TRMT10B: variants seen among roughly 807,000 people sequenced by gnomAD.
TRMT10B encodes tRNA methyltransferase 10B.
A neutral mutation model predicts 43.8 loss-of-function variants in TRMT10B; 33 were observed. That is an observed-to-expected ratio of 0.75 (90% CI 0.57 to 1.01). The LOEUF is 1.01. Ranked by LOEUF, TRMT10B falls within the 50% of genes least tolerant of loss-of-function variation. TRMT10B has a pLI of 0.00. For synonymous variants in TRMT10B, 137 were observed against 130.6 expected (o/e 1.05, Z -0.34); for missense variants, 362 against 369.8 (o/e 0.98, Z 0.17).
intron 1 of TRMT10B, among the ~76,000 whole-genome samples, chr9:37,757,129 G>GT (rs752019946): frequency 2.3e-4 from 35 of 152,096 alleles, no homozygotes; most frequent in Admixed American, 7.9e-4. Context: ...TGTCACCCAG[G>GT]TTGAAGTGCA....
At chr9:37,757,182 C>G (rs376273898) in intron 1 of TRMT10B, among the ~76,000 whole-genome samples, 1 of 152,152 alleles carries the variant, frequency 6.6e-6, no homozygotes, top group Non-Finnish European at 1.5e-5. Flanking sequence ...CTCCTGGGTT[C>G]AAGCGATCTT....
intron 3 of TRMT10B, 61 bp from the exon 4 acceptor site, chr9:37,763,568 T>G: frequency 6.8e-7 from 1 of 1,480,540 alleles, no homozygotes; most frequent in Non-Finnish European, 9.3e-7. Flanking sequence ...CTAAGATTTG[T>G]TTCTTATATA....
Position 37,770,685 on chromosome 9 carries a change from T to C in TRMT10B, c.666T>C (p.Val222=). The change falls in exon 7 of 9, where the codon GTT becomes GTC. Residue 222 remains valine (V), a synonymous_variant. Transcript: ENST00000297994. ...TPDSEHALED[V]DLNKVYILGG... is the part of the protein sequence containing the mutation. ...TTTTTTCATTAGCTCTTGAAGATGT[T>C]GATCTAAACAAAGTTTACATCCTCG... 1.2e-6 allele frequency: 2 copies of C among 1,613,968 alleles called. No individual in the cohort carries two copies. Among genetic ancestry groups the C allele is most frequent in the Non-Finnish European group, 1.7e-6 (2 of 1,180,004 alleles).
rs755580875 is a variant in TRMT10B at position 37,777,712 on chromosome 9, C to G, written c.*5C>G. On this transcript the variant is annotated 3_prime_UTR_variant, in exon 9 of 9. Transcript: ENST00000297994. ...CTTCGGAACTCAGTGGAATGATGGG[C>G]CTAAGATTGCAGCTGCGTGGCCAGG... The G allele has an allele frequency of 1.2e-6, 2 of 1,611,788 alleles. No individual in the cohort carries two copies. Among genetic ancestry groups the G allele is most frequent in the South Asian group, 1.1e-5 (1 of 91,028 alleles).
rs1331802463 is a variant in TRMT10B, at chr9:37,762,195, TG to T, written c.186+80del. 7 of 1,419,334 alleles carry T rather than the reference TG, an allele frequency of 4.9e-6. No homozygotes were observed. In the Admixed American group the frequency reaches 1.2e-4, roughly 24 times the overall value. The allele number at this position is 1,419,334 out of a possible 1,614,324, so 87.9% of individuals were successfully genotyped here. ...ACACCCCTGTTTTAAAGATGGATACTGGTAGTGAAAAGAGAGACGGAATGAG... is the reference window on the plus strand; with the variant it reads ...ACACCCCTGTTTTAAAGATGGATACTGTAGTGAAAAGAGAGACGGAATGAG... On this transcript the variant is annotated intron_variant, in intron 2 of 8. Coordinates refer to ENST00000297994, the MANE Select transcript of TRMT10B (RefSeq NM_144964.4).
intron 3 of TRMT10B, 147 bp downstream of exon 3, chr9:37,762,832 C>T: frequency 9.8e-7 from 1 of 1,020,620 alleles, no homozygotes. Context: ...ATCAAAACAT[C>T]AAAGAAAGCA....
chr9:37,763,643 C>T lies in TRMT10B; in HGVS notation c.310C>T (p.His104Tyr), dbSNP rs369987921. Residue 104 changes from histidine to tyrosine, a missense_variant, in exon 4 of 9, where the codon CAC (histidine) becomes TAC (tyrosine). Transcript: ENST00000297994. ...RAENPGICPQ[H>Y]SKRFLRALTK... ...TTCTGCTTTAGGCATTTGCCCCCAG[C>T]ACAGCAAACGTTTCCTGAGAGCTCT... 5 of 1,613,976 alleles carry T rather than the reference C, an allele frequency of 3.1e-6. No individual in the cohort carries two copies. The highest frequency in any genetic ancestry group is 1.3e-5 in the African/African-American group (1 of 74,932).
Position 37,778,956 on chromosome 9 carries a change from A to G in TRMT10B, c.*1249A>G, listed in dbSNP as rs142561944. 158 of 147,956 alleles carry G rather than the reference A, an allele frequency of 1.1e-3. No individual in the cohort carries two copies. The highest frequency in any genetic ancestry group is 3.8e-3 in the African/African-American group (150 of 39,448). 9.2% of individuals were successfully genotyped at this position (147,956 alleles called of 1,614,324 possible). On this transcript the variant is annotated 3_prime_UTR_variant, in exon 9 of 9. Transcript: ENST00000297994. Reference sequence around the variant, plus strand: ...TTCATATGTATTTGTAACAGATTAAATTGGAAAGCAAACACAGTATTGATT... The same window carrying G: ...TTCATATGTATTTGTAACAGATTAAGTTGGAAAGCAAACACAGTATTGATT...
intron 4 of TRMT10B, among the ~76,000 whole-genome samples, chr9:37,764,710 T>C (rs1366921373): frequency 1.3e-5 from 2 of 152,068 alleles, no homozygotes; most frequent in Non-Finnish European, 2.9e-5. Context: ...AGGCGTGAGC[T>C]ACTGTGCCTG....
intron 6 of TRMT10B, 127 bp from the exon 7 acceptor site, chr9:37,770,545 G>T (rs1156422030): frequency 3.4e-6 from 3 of 879,852 alleles, no homozygotes; most frequent in Admixed American, 3.1e-5. Context: ...TGGTTTTATT[G>T]AGCAAGTTTC....
intron 4 of TRMT10B, 193 bp downstream of exon 4, chr9:37,763,946 T>G: frequency 9.1e-7 from 1 of 1,101,686 alleles, no homozygotes; most frequent in Non-Finnish European, 1.2e-6. Flanking sequence ...ATATATATAG[T>G]TTGGTTTAGT....
intron 4 of TRMT10B, 32 bp from the exon 5 acceptor site, chr9:37,768,044 T>G (rs1436319993): frequency 6.2e-7 from 1 of 1,609,902 alleles, no homozygotes; most frequent in East Asian, 2.2e-5. Context: ...GTTGGCATGT[T>G]TTTGCCCTGA....
rs767663412 is a variant in TRMT10B, at chr9:37,776,375, T to C, written c.814T>C (p.Tyr272His). Residue 272 changes from tyrosine to histidine, a missense_variant, in exon 8 of 9, where the codon TAT (tyrosine) becomes CAT (histidine). Tyr to His is a moderately conservative substitution (Grantham distance 83). Coordinates refer to ENST00000297994, the MANE Select transcript of TRMT10B (RefSeq NM_144964.4). ...YMVRNQNGKN[Y>H]HSEILAINQV... The stretch of plus-strand genomic sequence containing the variant: ...GGTCAGAAACCAGAATGGGAAAAAC[T>C]ATCATTCAGAGATACTGGCCATCAA... 2.4e-5 allele frequency: 39 copies of C among 1,612,116 alleles called. No individual in the cohort carries two copies. The highest frequency in any genetic ancestry group is 1.6e-4 in the Middle Eastern group (1 of 6,080).
intron 1 of TRMT10B, among the ~76,000 whole-genome samples, chr9:37,757,023 T>C (rs571178833): frequency 6.6e-6 from 1 of 152,180 alleles, no homozygotes; most frequent in Non-Finnish European, 1.5e-5. Flanking sequence ...TTTTTTTAAT[T>C]TGTGATCAAC....
At chr9:37,774,364 T>C (rs968421814) in intron 7 of TRMT10B, among the ~76,000 whole-genome samples, 5 of 152,200 alleles carry the variant, frequency 3.3e-5, no homozygotes, top group Admixed American at 6.5e-5. Context: ...GACTTACAGA[T>C]GTGCAGTTTT....
At chr9:37,769,872 G>A (rs895592177) in intron 5 of TRMT10B, 69 bp from the exon 6 acceptor site, 3 of 1,250,868 alleles carry the variant, frequency 2.4e-6, no homozygotes, top group African/African-American at 3.0e-5. Context: ...CAAAGTTCTG[G>A]GATTACAGAC....
intron 4 of TRMT10B, 61 bp from the exon 5 acceptor site, chr9:37,768,015 G>T: frequency 6.3e-7 from 1 of 1,591,036 alleles, no homozygotes; most frequent in Non-Finnish European, 8.6e-7. Flanking sequence ...GCCATTTCTT[G>T]ATAGCTAATT....
rs1176612155 is a variant in TRMT10B, at chr9:37,763,940, A to G, written c.420+187A>G. 8.8e-6 allele frequency: 11 copies of G among 1,245,504 alleles called. No individual in the cohort carries two copies. The African/African-American group carries it at 1.5e-4, about 17-fold the overall frequency. The allele number at this position is 1,245,504 out of a possible 1,614,324, so 77.2% of individuals were successfully genotyped here. A position where few individuals can be genotyped will look rare whatever the true frequency, so the allele number is the denominator to read the frequency against. ...TTGTAACGAACCTGGAAGAGAATATATATAGTTTGGTTTAGTTTGCAAATT... is the reference window on the plus strand; with the variant it reads ...TTGTAACGAACCTGGAAGAGAATATGTATAGTTTGGTTTAGTTTGCAAATT... On this transcript the variant is annotated intron_variant, in intron 4 of 8. Transcript: ENST00000297994.
intron 4 of TRMT10B, chr9:37,767,097 C>T (rs1192486183): frequency 1.3e-5 from 2 of 152,094 alleles, no homozygotes; most frequent in East Asian, 1.9e-4. Flanking sequence ...TGTAAACTCT[C>T]TTTTTAGACA....
Sources: allele counts gnomAD v4.1 joint callset (sites outside exome capture counted in the v4.1 genomes callset), GRCh38; gene constraint gnomAD v4.1.1; transcripts MANE v1.5; gene names NCBI Gene and HGNC (gene_info 2026-07-23, HGNC 2026-07-21).